Variants in B3GALT1 observed in about 807,000 individuals in gnomAD.
B3GALT1 encodes UDP-Gal:betaGlcNAc beta 1,3-galactosyltransferase, polypeptide 1.
A neutral mutation model predicts 23.2 loss-of-function variants in B3GALT1; 10 were observed. The ratio of observed to expected loss-of-function variants is 0.43; its 90% confidence interval spans 0.27 to 0.73. The LOEUF (loss-of-function observed/expected upper bound fraction) is 0.73. B3GALT1 is among the 30% of genes least tolerant of loss of function. The probability of loss-of-function intolerance (pLI) is 0.21; values close to 1 mark genes in which losing one functional copy is unlikely to be tolerated. For synonymous variants in B3GALT1, 156 were observed against 141.5 expected (o/e 1.10, Z -0.73); for missense variants, 299 against 405.4 (o/e 0.74, Z 2.25).
chr2:167,603,792 C>T, intron 2 of B3GALT1, among the ~76,000 whole-genome samples: 1 of 152,140 alleles, frequency 6.6e-6, no homozygotes. Flanking sequence ...TTGTGAAACG[C>T]AAGAGACTGT....
At chr2:167,811,062 G>A (rs573167647) in intron 3 of B3GALT1, among the ~76,000 whole-genome samples, 59 of 152,142 alleles carry the variant, frequency 3.9e-4, no homozygotes, top group Non-Finnish European at 7.4e-4. Context: ...GCTTAGCCAA[G>A]AAGAGATTCT....
chr2:167,394,997 C>T (rs868124436), intron 1 of B3GALT1, among the ~76,000 whole-genome samples: 3 of 152,094 alleles, frequency 2.0e-5, no homozygotes, highest in African/African-American at 7.2e-5. Context: ...CCCTGGATGT[C>T]GCTTACCTAC....
intron 3 of B3GALT1, among the ~76,000 whole-genome samples, chr2:167,665,111 G>T (rs1397926896): frequency 6.6e-6 from 1 of 151,932 alleles, no homozygotes; most frequent in African/African-American, 2.4e-5. Flanking sequence ...GTCATAGTTA[G>T]CTCTTATTAT....
intron 1 of B3GALT1, among the ~76,000 whole-genome samples, chr2:167,438,447 T>G (rs2105311267): frequency 6.6e-6 from 1 of 152,358 alleles, no homozygotes; most frequent in South Asian, 2.1e-4. Context: ...AAAGAACGCA[T>G]GTTCCCTGTG....
intron 4 of B3GALT1, among the ~76,000 whole-genome samples, chr2:167,832,724 GTTAGATT>G (rs1478625104): frequency 6.6e-6 from 1 of 152,168 alleles, no homozygotes; most frequent in Non-Finnish European, 1.5e-5. Context: ...ACATCAAATG[GTTAGATT>G]TTAAACAGCA....
intron 2 of B3GALT1, among the ~76,000 whole-genome samples, chr2:167,503,309 A>G (rs1257432866): frequency 6.6e-6 from 1 of 152,232 alleles, no homozygotes; most frequent in East Asian, 1.9e-4. Context: ...TCAAGGGTGC[A>G]TATACTTTAA....
chr2:167,835,147 G>C (rs1296471534), intron 4 of B3GALT1, among the ~76,000 whole-genome samples: 1 of 152,268 alleles, frequency 6.6e-6, no homozygotes, highest in East Asian at 1.9e-4. Flanking sequence ...GAGGTACCGG[G>C]TTCATCTCAC....
In B3GALT1 at chr2:167,809,029, T is replaced by C. The variant is rs187969731; in HGVS notation, c.-351-9643T>C. 2.0e-3 allele frequency among the ~76,000 whole-genome samples: 312 copies of C among 152,336 alleles called. 1 individual carries two copies. The highest frequency in any genetic ancestry group is 6.9e-3 in the African/African-American group (286 of 41,574). Reference sequence around the variant, plus strand: ...AACTTCTCTTCTTGCTTCATTTCATTCATTTCGTCTTCCATCACTGATACC... The same window carrying C: ...AACTTCTCTTCTTGCTTCATTTCATCCATTTCGTCTTCCATCACTGATACC... On this transcript the variant is annotated intron_variant, in intron 3 of 4. Transcript: ENST00000392690.
At chr2:167,427,789 C>G (rs966853760) in intron 1 of B3GALT1, among the ~76,000 whole-genome samples, 1 of 152,214 alleles carries the variant, frequency 6.6e-6, no homozygotes, top group Non-Finnish European at 1.5e-5. Flanking sequence ...CAATCTCAGT[C>G]TCCCACTGGC....
At chr2:167,612,649 A>G (rs1685088328) in intron 2 of B3GALT1, among the ~76,000 whole-genome samples, 3 of 151,826 alleles carry the variant, frequency 2.0e-5, no homozygotes, top group South Asian at 2.1e-4. Context: ...ATTTTTTGCT[A>G]TTTTCCAAAT....
chr2:167,447,753 C>G (rs565613049), intron 1 of B3GALT1, among the ~76,000 whole-genome samples: 1 of 152,120 alleles, frequency 6.6e-6, no homozygotes, highest in Admixed American at 6.5e-5. Context: ...TTCCAGGTGC[C>G]GTCTGTCACA....
intron 1 of B3GALT1, among the ~76,000 whole-genome samples, chr2:167,480,686 C>T (rs1699553326): frequency 6.6e-6 from 1 of 152,190 alleles, no homozygotes; most frequent in African/African-American, 2.4e-5. Flanking sequence ...GCCTTGCTGA[C>T]ATTTCCACCT....
intron 3 of B3GALT1, among the ~76,000 whole-genome samples, chr2:167,657,362 T>G (rs1297085935): frequency 6.6e-6 from 1 of 151,880 alleles, no homozygotes; most frequent in Non-Finnish European, 1.5e-5. Flanking sequence ...GAAAGAAACC[T>G]TAAGGGTCAC....
In B3GALT1 at chr2:167,868,991, C is replaced by T. The variant is rs1431724328; in HGVS notation, c.-49C>T. 1.3e-6 allele frequency: 2 copies of T among 1,525,730 alleles called. No homozygotes were observed. Among genetic ancestry groups the T allele is most frequent in the Non-Finnish European group, 1.8e-6 (2 of 1,138,092 alleles). The allele number at this position is 1,525,730 out of a possible 1,614,324, so 94.5% of individuals were successfully genotyped here. ...TTTGGAAGATGAAAACAAACTAGTG[C>T]CAAGGAGGCGTATTCTTCAATATTT... is the stretch of plus-strand genomic sequence containing the variant. On this transcript the variant is annotated 5_prime_UTR_variant, in exon 5 of 5. Coordinates refer to ENST00000392690, the MANE Select transcript of B3GALT1 (RefSeq NM_020981.4).
chr2:167,541,011 A>T (rs891300202), intron 2 of B3GALT1, among the ~76,000 whole-genome samples: 8 of 152,100 alleles, frequency 5.3e-5, no homozygotes, highest in Non-Finnish European at 7.4e-5. Context: ...TTAAAATGGA[A>T]TTTTTTGTTC....
intron 3 of B3GALT1, among the ~76,000 whole-genome samples, chr2:167,807,972 G>T (rs1159261849): frequency 6.6e-6 from 1 of 152,162 alleles, no homozygotes; most frequent in African/African-American, 2.4e-5. Context: ...CTTGCTTTAT[G>T]AATCTGGGTG....
rs550547154 is a variant in B3GALT1 at position 167,305,632 on chromosome 2, C to T, written c.-511+12298C>T. Among the ~76,000 whole-genome samples the T allele has an allele frequency of 2.0e-5, 3 of 152,160 alleles. No homozygotes were observed. The East Asian group carries it at 5.8e-4, about 29-fold the overall frequency. On this transcript the variant is annotated intron_variant, in intron 1 of 4. Transcript: ENST00000392690. The stretch of plus-strand genomic sequence containing the variant: ...GTTAATAATGCTGAATAAGGCTGGA[C>T]CAAATACCTGGTTTCATGGCATTTG...
chr2:167,680,428 C>T (rs1439047710), intron 3 of B3GALT1, among the ~76,000 whole-genome samples: 1 of 113,282 alleles, frequency 8.8e-6, no homozygotes, highest in Non-Finnish European at 2.1e-5. Flanking sequence ...AGAGAGAGAA[C>T]TTTGTATGCA....
intron 3 of B3GALT1, among the ~76,000 whole-genome samples, chr2:167,745,993 T>C (rs974257542): frequency 2.0e-5 from 3 of 152,200 alleles, no homozygotes; most frequent in Non-Finnish European, 4.4e-5. Context: ...TATGTCTACA[T>C]AATGGTATCA....
Sources: allele counts gnomAD v4.1 joint callset (sites outside exome capture counted in the v4.1 genomes callset), GRCh38; gene constraint gnomAD v4.1.1; transcripts MANE v1.5; gene names NCBI Gene and HGNC (gene_info 2026-07-23, HGNC 2026-07-21).